Variants in CNTN5 observed in about 807,000 individuals in gnomAD.
CNTN5 encodes the protein contactin 5.
A neutral mutation model predicts 129.1 loss-of-function variants in CNTN5; 77 were observed. That is an observed-to-expected ratio of 0.60 (90% CI 0.50 to 0.72). The LOEUF is 0.72. CNTN5 is among the 30% of genes least tolerant of loss of function. CNTN5 has a pLI of 0.00. For missense variants in CNTN5, 1,478 were observed against 1,328.8 expected (o/e 1.11, Z -1.75); for synonymous variants, 509 against 465.6 (o/e 1.09, Z -1.20).
intron 1 of CNTN5, among the ~76,000 whole-genome samples, chr11:99,026,712 C>T (rs143853023): frequency 5.7e-4 from 86 of 151,540 alleles, no homozygotes; most frequent in African/African-American, 2.0e-3. Context: ...CACTAATAAG[C>T]AAGGGTATAA....
intron 2 of CNTN5, among the ~76,000 whole-genome samples, chr11:99,450,532 A>G (rs976925640): frequency 2.0e-5 from 3 of 152,050 alleles, no homozygotes; most frequent in African/African-American, 7.2e-5. Flanking sequence ...AGTAGATTCT[A>G]TTTCCTTAAA....
chr11:100,316,045 C>T (rs534936000), intron 21 of CNTN5, among the ~76,000 whole-genome samples: 127 of 152,300 alleles, frequency 8.3e-4, no homozygotes, highest in African/African-American at 3.0e-3. Flanking sequence ...TATGAACCCA[C>T]CAGCATTAAG....
At chr11:100,045,177 A>G (rs1283232429) in intron 9 of CNTN5, among the ~76,000 whole-genome samples, 1 of 152,148 alleles carries the variant, frequency 6.6e-6, no homozygotes. Context: ...GAAGATGTAA[A>G]GAAATTAAGA....
chr11:99,988,236 T>C (rs1302366442), intron 8 of CNTN5, among the ~76,000 whole-genome samples: 1 of 152,188 alleles, frequency 6.6e-6, no homozygotes, highest in Non-Finnish European at 1.5e-5. Context: ...AAGACTACAG[T>C]GAGAAAACAA....
intron 1 of CNTN5, among the ~76,000 whole-genome samples, chr11:99,121,514 T>G (rs17133071): frequency 6.6e-6 from 1 of 152,160 alleles, no homozygotes; most frequent in Non-Finnish European, 1.5e-5. Flanking sequence ...CTGGGCCAAA[T>G]GTAGGATTAT....
rs1223200280 is a variant in CNTN5 at position 100,309,015 on chromosome 11, A to C, written c.2730+547A>C. ...CATATCAAATGAATAACATCAATGA[A>C]ATTTTAGCCTCCGCAGAGAATAGCA... is the stretch of plus-strand genomic sequence containing the variant. On this transcript the variant is annotated intron_variant, in intron 21 of 24. Coordinates refer to ENST00000524871, the MANE Select transcript of CNTN5 (RefSeq NM_014361.4). 3 of 984,928 alleles carry C rather than the reference A, an allele frequency of 3.0e-6. No homozygotes were observed. The African/African-American group carries it at 5.2e-5, about 17-fold the overall frequency. The allele number at this position is 984,928 out of a possible 1,614,324, so 61.0% of individuals were successfully genotyped here.
intron 1 of CNTN5, among the ~76,000 whole-genome samples, chr11:99,214,402 T>TATATATATATTATATATGTATATAAATAA (rs1555079857): frequency 0.019 from 1,532 of 79,450 alleles, 20 homozygotes; most frequent in Non-Finnish European, 0.028. Flanking sequence ...TATAAATAAA[T>TATATATATATTATATATGTATATAAATAA]ATATATATAT....
chr11:99,617,119 CGTAACA>C (rs995960309), intron 3 of CNTN5, among the ~76,000 whole-genome samples: 9 of 148,830 alleles, frequency 6.0e-5, no homozygotes, highest in South Asian at 2.1e-4. Flanking sequence ...TCAAACAAAA[CGTAACA>C]AAAACAAAAA....
At chr11:99,244,006 A>C (rs1861695791) in intron 1 of CNTN5, among the ~76,000 whole-genome samples, 2 of 152,024 alleles carry the variant, frequency 1.3e-5, no homozygotes. Context: ...TGAAAAATGA[A>C]ATTGGTAGTT....
At chr11:100,350,477 G>A (rs1386018736) in intron 23 of CNTN5, among the ~76,000 whole-genome samples, 4 of 151,582 alleles carry the variant, frequency 2.6e-5, no homozygotes, top group Non-Finnish European at 4.4e-5. Flanking sequence ...ACTTCCTCTG[G>A]AAGTCCTTCA....
At chr11:99,744,326 A>G (rs1943976942) in intron 3 of CNTN5, among the ~76,000 whole-genome samples, 1 of 151,804 alleles carries the variant, frequency 6.6e-6, no homozygotes, top group South Asian at 2.1e-4. Flanking sequence ...CCCACAAACA[A>G]ACAAACAAAC....
intron 2 of CNTN5, among the ~76,000 whole-genome samples, chr11:99,363,936 T>A (rs542407102): frequency 9.9e-5 from 15 of 152,164 alleles, no homozygotes; most frequent in Non-Finnish European, 2.2e-4. Flanking sequence ...TTCCCTCACA[T>A]GTTCAAATAA....
At chr11:99,077,212 A>C (rs1020291185) in intron 1 of CNTN5, among the ~76,000 whole-genome samples, 1 of 152,210 alleles carries the variant, frequency 6.6e-6, no homozygotes, top group African/African-American at 2.4e-5. Context: ...AGAAAATGTA[A>C]GGTTTAACAA....
At chr11:99,669,155 C>G (rs932356532) in intron 3 of CNTN5, among the ~76,000 whole-genome samples, 1 of 151,986 alleles carries the variant, frequency 6.6e-6, no homozygotes, top group Admixed American at 6.6e-5. Context: ...TAATAGTGTG[C>G]CATGGCTTGA....
At position 100,266,616 on chromosome 11, in the gene CNTN5, TA is replaced by T. The variant is rs1950307764; in HGVS notation, c.2165-4475del. Among the ~76,000 whole-genome samples the T allele has an allele frequency of 4.2e-5, 6 of 142,564 alleles. No individual in the cohort carries two copies. In the South Asian group the frequency reaches 1.4e-3, roughly 33 times the overall value. The allele number at this position is 142,564 out of a possible 152,430, so 93.5% of individuals were successfully genotyped here. A position where few individuals can be genotyped will look rare whatever the true frequency, so the allele number is the denominator to read the frequency against. ...TATCTCTTACAAGCAACAGGGAATT[TA>T]GAATTTCCAAATCTTTTTTTTTTTT... On this transcript the variant is annotated intron_variant, in intron 17 of 24. Transcript: ENST00000524871.
chr11:100,091,145 A>G (rs541514792), intron 13 of CNTN5, among the ~76,000 whole-genome samples: 11 of 152,122 alleles, frequency 7.2e-5, no homozygotes, highest in South Asian at 2.1e-4. Context: ...CAGCCCCATC[A>G]TTACACTCCC....
At chr11:100,282,807 T>G (rs2138824468) in intron 18 of CNTN5, among the ~76,000 whole-genome samples, 1 of 152,308 alleles carries the variant, frequency 6.6e-6, no homozygotes, top group Non-Finnish European at 1.5e-5. Context: ...CAAGGCACAG[T>G]CCTTCCCATT....
chr11:100,010,441 A>C (rs1031123505), intron 9 of CNTN5, among the ~76,000 whole-genome samples: 1 of 152,098 alleles, frequency 6.6e-6, no homozygotes, highest in Admixed American at 6.6e-5. Flanking sequence ...AGTGTTGGGA[A>C]AAAACTTGAA....
intron 9 of CNTN5, among the ~76,000 whole-genome samples, chr11:100,045,965 T>A (rs1942647086): frequency 6.6e-6 from 1 of 152,066 alleles, no homozygotes; most frequent in African/African-American, 2.4e-5. Context: ...TATTTTATTT[T>A]ATTATTATTA....
Sources: gnomAD v4.1 joint callset for allele counts (sites outside exome capture counted in the v4.1 genomes callset) on GRCh38, gnomAD v4.1.1 for gene constraint, MANE v1.5 for transcripts, NCBI Gene and HGNC (gene_info 2026-07-23, HGNC 2026-07-21) for gene names.